The following SPAG16 variants were observed in gnomAD, a reference collection of about 807,000 sequenced individuals.
SPAG16 encodes the protein sperm-associated antigen 16 protein.
In SPAG16, 86 loss-of-function variants were observed where a neutral mutation model predicts 80.4. The observed-to-expected ratio is 1.07, with a 90% CI of 0.90 to 1.28. The LOEUF is 1.28. Among genes scored for constraint, SPAG16 ranks in the 50% most tolerant of loss-of-function variants. SPAG16 has a pLI of 0.00. For synonymous variants in SPAG16, 294 were observed against 265.9 expected, an observed-to-expected ratio of 1.11 and a Z score of -1.03; for missense variants, 870 against 765.3, an observed-to-expected ratio of 1.14 and a Z score of -1.61.
chr2:213,550,435 G>A (rs762004570), intron 10 of SPAG16, among the ~76,000 whole-genome samples: 5 of 151,812 alleles, frequency 3.3e-5, no homozygotes, highest in Admixed American at 6.6e-5. Context: ...AAAATCTTTA[G>A]CAATTCATTT....
intron 13 of SPAG16, among the ~76,000 whole-genome samples, chr2:214,038,120 T>C (rs552300551): frequency 5.9e-5 from 9 of 152,330 alleles, no homozygotes; most frequent in African/African-American, 2.2e-4. Flanking sequence ...TACTGTGTTA[T>C]ATTTGCTGTG....
At chr2:213,547,110 A>G (rs975742330) in intron 10 of SPAG16, among the ~76,000 whole-genome samples, 2 of 152,092 alleles carry the variant, frequency 1.3e-5, no homozygotes, top group East Asian at 3.8e-4. Context: ...TACTTTTTCT[A>G]TTTAAGTAAT....
intron 10 of SPAG16, among the ~76,000 whole-genome samples, chr2:213,701,145 C>G (rs1034631199): frequency 2.6e-5 from 4 of 152,116 alleles, no homozygotes; most frequent in Admixed American, 2.6e-4. Flanking sequence ...GAGGCTGAGG[C>G]AGGAGAATCG....
chr2:213,940,133 T>G lies in SPAG16; in HGVS notation c.1400+9988T>G, dbSNP rs147655026. On this transcript the variant is annotated intron_variant, in intron 12 of 15. Transcript: ENST00000331683. Reference sequence around the variant, plus strand: ...ACTAGAAACACAAAACATATAATTATATAACAGCCATAACTACCATTAAAA... The same window carrying G: ...ACTAGAAACACAAAACATATAATTAGATAACAGCCATAACTACCATTAAAA... 5.4e-3 allele frequency among the ~76,000 whole-genome samples: 818 copies of G among 152,308 alleles called. 8 individuals are homozygous for G. Among genetic ancestry groups the G allele is most frequent in the Non-Finnish European group, 7.3e-3 (497 of 68,036 alleles).
intron 14 of SPAG16, among the ~76,000 whole-genome samples, chr2:214,143,234 G>GT (rs59910884): frequency 0.061 from 6,890 of 112,410 alleles, 142 homozygotes; most frequent in Non-Finnish European, 0.086. Context: ...ATAGTTTTGG[G>GT]TTTTTTTTTT....
chr2:214,188,803 A>T lies in SPAG16; in HGVS notation c.1720+39537A>T, dbSNP rs150326246. ...CAATTACTTCCACACTTCTTAAGCA[A>T]CACATCTATTTTTTAACTCATCCTT... On this transcript the variant is annotated intron_variant, in intron 15 of 15. Coordinates refer to ENST00000331683, the MANE Select transcript of SPAG16 (RefSeq NM_024532.5). 6.6e-3 allele frequency among the ~76,000 whole-genome samples: 1,008 copies of T among 152,246 alleles called. 16 individuals carry two copies. Among genetic ancestry groups the T allele is most frequent in the African/African-American group, 0.023 (966 of 41,588 alleles).
chr2:214,141,286 G>A (rs1391191425), intron 14 of SPAG16, among the ~76,000 whole-genome samples: 2 of 151,852 alleles, frequency 1.3e-5, no homozygotes, highest in Non-Finnish European at 2.9e-5. Flanking sequence ...TGCCAACATG[G>A]TGAAACTCCG....
intron 10 of SPAG16, among the ~76,000 whole-genome samples, chr2:213,700,450 T>C (rs2065356843): frequency 6.6e-6 from 1 of 152,180 alleles, no homozygotes; most frequent in Admixed American, 6.5e-5. Flanking sequence ...TTTGCTGTAA[T>C]GATGAATATT....
intron 11 of SPAG16, among the ~76,000 whole-genome samples, chr2:213,897,022 T>C (rs1392544730): frequency 1.3e-5 from 2 of 152,138 alleles, no homozygotes; most frequent in East Asian, 3.9e-4. Context: ...ACAGTGACTA[T>C]ATTGTACAAC....
intron 15 of SPAG16, among the ~76,000 whole-genome samples, chr2:214,211,805 A>G (rs996253637): frequency 6.6e-6 from 1 of 152,166 alleles, no homozygotes; most frequent in African/African-American, 2.4e-5. Context: ...CCCTGACCAG[A>G]AAATGGCACT....
At chr2:213,441,770 C>T (rs1252529760) in intron 9 of SPAG16, among the ~76,000 whole-genome samples, 2 of 152,108 alleles carry the variant, frequency 1.3e-5, no homozygotes, top group East Asian at 3.9e-4. Flanking sequence ...AATTAGTAAG[C>T]CATTATAGCA....
chr2:213,683,733 T>C (rs2064512986), intron 10 of SPAG16, among the ~76,000 whole-genome samples: 1 of 152,210 alleles, frequency 6.6e-6, no homozygotes, highest in Non-Finnish European at 1.5e-5. Context: ...AGCCTTGTTA[T>C]GCCTTAATAC....
chr2:213,874,851 G>A (rs1054442674), intron 11 of SPAG16, among the ~76,000 whole-genome samples: 2 of 152,114 alleles, frequency 1.3e-5, no homozygotes, highest in African/African-American at 4.8e-5. Context: ...GGAGAATTAG[G>A]ACCATTTTTG....
intron 15 of SPAG16, among the ~76,000 whole-genome samples, chr2:214,354,109 T>C (rs1314732217): frequency 1.4e-5 from 1 of 70,532 alleles, no homozygotes; most frequent in African/African-American, 2.7e-5. Context: ...CCCATAAATA[T>C]ATATACCTAC....
chr2:213,512,214 G>C (rs1170397413), intron 10 of SPAG16, among the ~76,000 whole-genome samples: 1 of 152,168 alleles, frequency 6.6e-6, no homozygotes, highest in East Asian at 1.9e-4. Context: ...AGCATATAAA[G>C]GGGAAAGAAG....
chr2:213,954,292 C>T (rs937925465), intron 12 of SPAG16, among the ~76,000 whole-genome samples: 37 of 152,094 alleles, frequency 2.4e-4, no homozygotes, highest in African/African-American at 8.7e-4. Flanking sequence ...AATATGCAAC[C>T]TTTGGTGACT....
chr2:213,367,577 A>G (rs550763226), intron 8 of SPAG16, among the ~76,000 whole-genome samples: 1 of 152,346 alleles, frequency 6.6e-6, no homozygotes, highest in East Asian at 1.9e-4. Flanking sequence ...TGGCTGCATA[A>G]ATGTCTTCTT....
At chr2:213,833,113 C>A (rs1395729323) in intron 10 of SPAG16, among the ~76,000 whole-genome samples, 3 of 151,820 alleles carry the variant, frequency 2.0e-5, no homozygotes, top group Non-Finnish European at 1.5e-5. Flanking sequence ...CTGGAAACCA[C>A]ACTTTTAATA....
At chr2:214,172,251 C>A (rs1454022834) in intron 15 of SPAG16, among the ~76,000 whole-genome samples, 1 of 151,956 alleles carries the variant, frequency 6.6e-6, no homozygotes, top group Non-Finnish European at 1.5e-5. Flanking sequence ...CCCACTTCCC[C>A]TACCCCACAA....
Sources: gnomAD v4.1 joint callset for allele counts (sites outside exome capture counted in the v4.1 genomes callset) on GRCh38, gnomAD v4.1.1 for gene constraint, MANE v1.5 for transcripts, NCBI Gene and HGNC (gene_info 2026-07-23, HGNC 2026-07-21) for gene names.